TP63: variants seen among roughly 807,000 people sequenced by gnomAD.
TP63 encodes tumor protein 63.
TP63 carries 17 observed loss-of-function variants against 82.8 expected under a neutral mutation model. The ratio of observed to expected loss-of-function variants is 0.21; its 90% CI spans 0.14 to 0.31. TP63 has a LOEUF of 0.31. Ranked by LOEUF, TP63 falls within the 10% of genes least tolerant of loss-of-function variation. TP63 has a pLI of 1.00. For missense variants in TP63, 648 were observed against 895.3 expected, an observed-to-expected ratio of 0.72 and a Z score of 3.52; for synonymous variants, 330 against 321.7, an observed-to-expected ratio of 1.03 and a Z score of -0.28.
Position 189,890,728 on chromosome 3 carries a change from T to C in TP63, c.1653-61T>C. 23 of 1,508,176 alleles carry C rather than the reference T, an allele frequency of 1.5e-5. No individual in the cohort carries two copies. The South Asian group carries it at 2.6e-4, about 17-fold the overall frequency. 93.4% of individuals were successfully genotyped at this position (1,508,176 alleles called of 1,614,324 possible). A position where few individuals can be genotyped will look rare whatever the true frequency, so the allele number is the denominator to read the frequency against. On this transcript the variant is annotated intron_variant, in intron 12 of 13. Coordinates refer to ENST00000264731, the MANE Select transcript of TP63 (RefSeq NM_003722.5). ...ATTGGGTTTTCCCTTATCTCGCCAA[T>C]GCAGTTGGGGTGAACTTTCTTTTTC...
intron 3 of TP63, among the ~76,000 whole-genome samples, chr3:189,750,753 G>A (rs9819938): frequency 0.34 from 52,313 of 151,936 alleles, 10,762 homozygotes; most frequent in African/African-American, 0.57. Context: ...TATCTTGATC[G>A]TATTGTTTAT....
At chr3:189,635,526 TCTC>T (rs1237582964) in intron 1 of TP63, among the ~76,000 whole-genome samples, 1 of 152,062 alleles carries the variant, frequency 6.6e-6, no homozygotes, top group Non-Finnish European at 1.5e-5. Flanking sequence ...CCAGCAGCAA[TCTC>T]CTGCAGGAGA....
In TP63 at chr3:189,631,596, T is replaced by A; in HGVS notation, c.62+19T>A. The A allele has an allele frequency of 6.2e-7, 1 of 1,612,638 alleles. No individual in the cohort carries two copies. Among genetic ancestry groups the A allele is most frequent in the South Asian group, 1.1e-5 (1 of 91,058 alleles). ...TCCAGCGGTGAGTTTGAATGTGACA[T>A]AACTTCTCTCAAAACTTAATTGAAG... On this transcript the variant is annotated intron_variant, in intron 1 of 13. Transcript: ENST00000264731.
chr3:189,685,743 A>G (rs1716380863), intron 1 of TP63, among the ~76,000 whole-genome samples: 1 of 152,204 alleles, frequency 6.6e-6, no homozygotes, highest in South Asian at 2.1e-4. Context: ...TAAATTTGAA[A>G]GCATTATTTT....
intron 3 of TP63, among the ~76,000 whole-genome samples, chr3:189,775,649 CT>C (rs1723740094): frequency 6.6e-6 from 1 of 152,120 alleles, no homozygotes; most frequent in African/African-American, 2.4e-5. Flanking sequence ...GATATCTAAC[CT>C]TCTATCTCTC....
At chr3:189,815,203 T>G (rs891550521) in intron 4 of TP63, among the ~76,000 whole-genome samples, 1 of 152,110 alleles carries the variant, frequency 6.6e-6, no homozygotes, top group African/African-American at 2.4e-5. Context: ...TTACTATAGC[T>G]TCACTCTTCT....
At chr3:189,823,102 A>G (rs948436152) in intron 4 of TP63, among the ~76,000 whole-genome samples, 3 of 152,184 alleles carry the variant, frequency 2.0e-5, no homozygotes, top group African/African-American at 7.2e-5. Flanking sequence ...GACCTTTTCT[A>G]TGCCAGACCA....
chr3:189,756,069 T>C (rs889312000), intron 3 of TP63, among the ~76,000 whole-genome samples: 9 of 152,192 alleles, frequency 5.9e-5, no homozygotes, highest in African/African-American at 2.2e-4. Context: ...TTCGAGACTT[T>C]CACCTAAGGT....
chr3:189,669,990 C>CA (rs915169279), intron 1 of TP63, among the ~76,000 whole-genome samples: 2 of 151,288 alleles, frequency 1.3e-5, no homozygotes, highest in Non-Finnish European at 3.0e-5. Flanking sequence ...ATTGAATTAA[C>CA]AAAAAAGGGG....
chr3:189,867,801 G>T (rs755165931), intron 6 of TP63, 32 bp from the exon 7 acceptor site: 6 of 1,593,074 alleles, frequency 3.8e-6, no homozygotes, highest in South Asian at 3.3e-5. Context: ...TTAAACCCTT[G>T]TTAACACAGA....
At chr3:189,875,693 A>C (rs760252253) in intron 10 of TP63, among the ~76,000 whole-genome samples, 4 of 140,630 alleles carry the variant, frequency 2.8e-5, no homozygotes, top group African/African-American at 1.1e-4. Flanking sequence ...AAATGCGTGG[A>C]TCTCCTTTCA....
At chr3:189,875,599 T>TATAC (rs1435613199) in intron 10 of TP63, among the ~76,000 whole-genome samples, 1,237 of 42,058 alleles carry the variant, frequency 0.029, 73 homozygotes, top group Non-Finnish European at 0.054. Flanking sequence ...CATACATATA[T>TATAC]ATATATATAT....
At chr3:189,677,210 G>A (rs1715482592) in intron 1 of TP63, among the ~76,000 whole-genome samples, 1 of 150,742 alleles carries the variant, frequency 6.6e-6, no homozygotes, top group African/African-American at 2.4e-5. Context: ...GTGTGTGTGT[G>A]TGTGTATACA....
chr3:189,630,055 T>C (rs557309762), upstream of TP63, among the ~76,000 whole-genome samples: 1 of 152,302 alleles, frequency 6.6e-6, no homozygotes, highest in South Asian at 2.1e-4. Context: ...GAAGAGAATG[T>C]CAAGTTTTAA....
At chr3:189,780,541 C>G (rs781390908) in intron 3 of TP63, among the ~76,000 whole-genome samples, 3 of 152,202 alleles carry the variant, frequency 2.0e-5, no homozygotes, top group Non-Finnish European at 2.9e-5. Context: ...ACACTTCACT[C>G]TCTCCTGTAC....
At chr3:189,620,583 T>C in the TP63 span, among the ~76,000 whole-genome samples, 1 of 146,770 alleles carries the variant, frequency 6.8e-6, no homozygotes, top group South Asian at 2.2e-4. Context: ...TCAATAGAAA[T>C]AGTTTCAGAT....
chr3:189,692,033 T>A (rs1716977167), intron 1 of TP63, among the ~76,000 whole-genome samples: 1 of 152,190 alleles, frequency 6.6e-6, no homozygotes, highest in African/African-American at 2.4e-5. Context: ...TTGCTACGGG[T>A]TGTCATCTTC....
At chr3:189,883,212 G>A (rs373396078) in intron 10 of TP63, among the ~76,000 whole-genome samples, 13 of 152,048 alleles carry the variant, frequency 8.5e-5, no homozygotes, top group Admixed American at 6.5e-5. Flanking sequence ...GTTCTTCAAG[G>A]CTTTCAAATT....
chr3:189,613,781 G>A, the TP63 span, among the ~76,000 whole-genome samples: 1 of 152,208 alleles, frequency 6.6e-6, no homozygotes, highest in African/African-American at 2.4e-5. Context: ...TGTAAGACCT[G>A]GAGTCAAAGG....
Sources: gnomAD v4.1 joint callset for allele counts (sites outside exome capture counted in the v4.1 genomes callset) on GRCh38, gnomAD v4.1.1 for gene constraint, MANE v1.5 for transcripts, NCBI Gene and HGNC (gene_info 2026-07-23, HGNC 2026-07-21) for gene names.